The following DYNC1LI1 variants were observed in gnomAD, a reference collection of about 807,000 sequenced individuals.
The protein encoded by DYNC1LI1 is cytoplasmic dynein 1 light intermediate chain 1.
DYNC1LI1 carries 19 observed loss-of-function variants against 63.8 expected under a neutral mutation model. That is an observed-to-expected ratio of 0.30 (90% confidence interval 0.21 to 0.44). DYNC1LI1 has a LOEUF of 0.44. Among genes scored for constraint, DYNC1LI1 ranks in the 20% least tolerant of loss-of-function variants. The pLI, the probability that DYNC1LI1 is intolerant of heterozygous loss-of-function variation, is 1.00. For missense variants in DYNC1LI1, 565 were observed against 630.2 expected, an observed-to-expected ratio of 0.90 and a Z score of 1.11; for synonymous variants, 225 against 232.3, an observed-to-expected ratio of 0.97 and a Z score of 0.28.
chr3:32,534,104 C>T (rs191850484), intron 7 of DYNC1LI1, among the ~76,000 whole-genome samples: 2 of 151,476 alleles, frequency 1.3e-5, no homozygotes, highest in African/African-American at 4.8e-5. Flanking sequence ...GTCTCGAACT[C>T]CTGACATCAG....
intron 4 of DYNC1LI1, among the ~76,000 whole-genome samples, 178 bp downstream of exon 4, chr3:32,544,698 C>T (rs1202745804): frequency 4.6e-5 from 7 of 151,038 alleles, no homozygotes; most frequent in African/African-American, 7.3e-5. Flanking sequence ...GCCAAGATTG[C>T]GCCACTGCAC....
At chr3:32,535,812 C>A in intron 6 of DYNC1LI1, among the ~76,000 whole-genome samples, 1 of 152,126 alleles carries the variant, frequency 6.6e-6, no homozygotes, top group Non-Finnish European at 1.5e-5. Context: ...CTTTTAAAAT[C>A]AACTGGCTCT....
intron 12 of DYNC1LI1, among the ~76,000 whole-genome samples, 172 bp from the exon 13 acceptor site, chr3:32,527,080 G>A (rs927216026): frequency 5.3e-5 from 8 of 152,086 alleles, no homozygotes; most frequent in East Asian, 1.9e-4. Context: ...GGTGGCTCAC[G>A]CCTGTAATCT....
intron 2 of DYNC1LI1, among the ~76,000 whole-genome samples, chr3:32,561,895 C>T (rs1394799127): frequency 2.0e-5 from 3 of 149,908 alleles, no homozygotes; most frequent in Non-Finnish European, 4.4e-5. Context: ...AACCATGGTA[C>T]ATGACATTAA....
chr3:32,555,367 C>A (rs1698100034), intron 2 of DYNC1LI1, among the ~76,000 whole-genome samples: 1 of 152,122 alleles, frequency 6.6e-6, no homozygotes, highest in Non-Finnish European at 1.5e-5. Flanking sequence ...AGATCTGTTT[C>A]ATAAAAGGTC....
chr3:32,564,993 A>G (rs1698239892), intron 2 of DYNC1LI1, among the ~76,000 whole-genome samples: 2 of 152,212 alleles, frequency 1.3e-5, no homozygotes, highest in Admixed American at 1.3e-4. Context: ...GGGGGAAAAA[A>G]GACTTTCACA....
Position 32,545,117 on chromosome 3 carries a change from C to CA in DYNC1LI1, c.338-12dup, listed in dbSNP as rs773420652. The CA allele has an allele frequency of 6.4e-7, 1 of 1,566,898 alleles. No individual in the cohort carries two copies. Among genetic ancestry groups the CA allele is most frequent in the South Asian group, 1.1e-5 (1 of 89,968 alleles). ...TACATCTTGTTTGATCTACAACAGA[C>CA]AAAACAAAGTAACCAAGGCAACAAG... On this transcript the variant is annotated splice_polypyrimidine_tract_variant and intron_variant, in intron 3 of 12. Coordinates refer to ENST00000273130, the MANE Select transcript of DYNC1LI1 (RefSeq NM_016141.4).
intron 2 of DYNC1LI1, among the ~76,000 whole-genome samples, chr3:32,567,816 G>A (rs955611218): frequency 1.1e-4 from 16 of 150,756 alleles, no homozygotes; most frequent in Admixed American, 4.7e-4. Context: ...CAATTCTCCT[G>A]CCTCAGCCTC....
rs1559436207 is a variant in DYNC1LI1 at position 32,537,948 on chromosome 3, AATTTATATATATAATATATATAT to A, written c.739-867_739-845del. 4.3e-3 allele frequency among the ~76,000 whole-genome samples: 42 copies of A among 9,668 alleles called. 4 individuals carry two copies. The East Asian group carries it at 0.13, about 30-fold the overall frequency. The allele number at this position is 9,668 out of a possible 152,430, so 6.3% of individuals were successfully genotyped here. On this transcript the variant is annotated intron_variant, in intron 5 of 12. Transcript: ENST00000273130. The stretch of plus-strand genomic sequence containing the variant: ...TATAATATATATATAATATATATAT[AATTTATATATATAATATATATAT>A]ATTTATATATAATATATATATATAA...
chr3:32,534,098 C>T (rs1003267863), intron 7 of DYNC1LI1, among the ~76,000 whole-genome samples: 6 of 151,292 alleles, frequency 4.0e-5, no homozygotes, highest in South Asian at 2.1e-4. Flanking sequence ...AGGCTTGTCT[C>T]GAACTCCTGA....
chr3:32,551,472 G>A (rs970297205), intron 2 of DYNC1LI1, among the ~76,000 whole-genome samples: 1 of 152,178 alleles, frequency 6.6e-6, no homozygotes, highest in African/African-American at 2.4e-5. Context: ...GGCATCTTAT[G>A]CCAAGCTGAG....
chr3:32,545,781 AAG>A (rs1348292189), intron 3 of DYNC1LI1, 66 bp downstream of exon 3: 3 of 1,073,858 alleles, frequency 2.8e-6, no homozygotes, highest in African/African-American at 3.2e-5. Flanking sequence ...AAAAAAATCA[AAG>A]ACTAATGTGA....
At chr3:32,558,270 G>A (rs9868292) in intron 2 of DYNC1LI1, among the ~76,000 whole-genome samples, 4,510 of 152,048 alleles carry the variant, frequency 0.03, 236 homozygotes, top group African/African-American at 0.1. Context: ...AATACTATTA[G>A]TTTTCATGTC....
chr3:32,546,151 T>C (rs1030870970), intron 2 of DYNC1LI1, among the ~76,000 whole-genome samples, 186 bp from the exon 3 acceptor site: 1 of 152,210 alleles, frequency 6.6e-6, no homozygotes, highest in Admixed American at 6.5e-5. Flanking sequence ...CTCACACCTG[T>C]AATCCCAGCA....
intron 5 of DYNC1LI1, among the ~76,000 whole-genome samples, chr3:32,539,588 T>C (rs1226778076): frequency 6.6e-6 from 1 of 151,954 alleles, no homozygotes; most frequent in Non-Finnish European, 1.5e-5. Flanking sequence ...CAGGCTGGAG[T>C]GCAGTGGCGC....
chr3:32,533,221 G>T, intron 7 of DYNC1LI1, 124 bp from the exon 8 acceptor site: 1 of 1,357,270 alleles, frequency 7.4e-7, no homozygotes. Context: ...AAACGAATTA[G>T]CTTTTCATTA....
intron 6 of DYNC1LI1, among the ~76,000 whole-genome samples, chr3:32,535,952 TAAA>T (rs1697768675): frequency 6.6e-6 from 1 of 152,116 alleles, no homozygotes; most frequent in Admixed American, 6.6e-5. Flanking sequence ...AAAGATAACA[TAAA>T]AAAGAGGCTA....
chr3:32,544,679 T>C (rs1575153657), intron 4 of DYNC1LI1, among the ~76,000 whole-genome samples, 197 bp downstream of exon 4: 2 of 151,628 alleles, frequency 1.3e-5, no homozygotes, highest in Admixed American at 1.3e-4. Flanking sequence ...GAGGCAGAGG[T>C]TGCAGTGAGC....
chr3:32,565,801 G>A (rs1045781069), intron 2 of DYNC1LI1, among the ~76,000 whole-genome samples: 5 of 152,058 alleles, frequency 3.3e-5, no homozygotes, highest in African/African-American at 1.2e-4. Flanking sequence ...TAGAGACTGG[G>A]TTTCACCATA....
Sources: gnomAD v4.1 joint callset for allele counts (sites outside exome capture counted in the v4.1 genomes callset) on GRCh38, gnomAD v4.1.1 for gene constraint, MANE v1.5 for transcripts, NCBI Gene and HGNC (gene_info 2026-07-23, HGNC 2026-07-21) for gene names.